The following SH3GL2 variants were observed in gnomAD, a reference collection of about 807,000 sequenced individuals.
SH3GL2 encodes endophilin-A1.
A neutral mutation model predicts 46.0 loss-of-function variants in SH3GL2; 24 were observed. That is an observed-to-expected ratio of 0.52 (90% CI 0.38 to 0.73). The LOEUF (loss-of-function observed/expected upper bound fraction) is 0.73, where lower values mean the gene tolerates loss of function less well. SH3GL2 is among the 30% of genes least tolerant of loss of function. SH3GL2 has a pLI of 0.00. For synonymous variants in SH3GL2, 196 were observed against 147.1 expected (o/e 1.33, Z -2.40); for missense variants, 413 against 424.2 (o/e 0.97, Z 0.23).
At chr9:17,628,899 C>G (rs1819355279) in intron 1 of SH3GL2, among the ~76,000 whole-genome samples, 3 of 152,048 alleles carry the variant, frequency 2.0e-5, no homozygotes, top group Non-Finnish European at 2.9e-5. Context: ...AACACTCACT[C>G]TAGCACAGCA....
intron 1 of SH3GL2, among the ~76,000 whole-genome samples, chr9:17,626,082 T>C (rs1267265205): frequency 6.6e-6 from 1 of 152,218 alleles, no homozygotes; most frequent in East Asian, 1.9e-4. Flanking sequence ...AGGTGTCCAC[T>C]TGGCTCTTTG....
chr9:17,737,121 A>T (rs1440609673), intron 1 of SH3GL2, among the ~76,000 whole-genome samples: 1 of 151,984 alleles, frequency 6.6e-6, no homozygotes, highest in Non-Finnish European at 1.5e-5. Context: ...AAAACACCAC[A>T]TGTTCTCACT....
chr9:17,782,482 G>A (rs1823837935), intron 3 of SH3GL2, among the ~76,000 whole-genome samples: 2 of 152,168 alleles, frequency 1.3e-5, no homozygotes, highest in South Asian at 4.1e-4. Flanking sequence ...AAGTGGAACT[G>A]TACTCTTCTG....
chr9:17,785,366 T>A (rs2131184284), intron 3 of SH3GL2, among the ~76,000 whole-genome samples: 1 of 152,336 alleles, frequency 6.6e-6, no homozygotes, highest in South Asian at 2.1e-4. Context: ...GTAATATCCC[T>A]GGGACAGGGT....
intron 1 of SH3GL2, among the ~76,000 whole-genome samples, chr9:17,730,469 G>A (rs1822146984): frequency 6.6e-6 from 1 of 152,070 alleles, no homozygotes; most frequent in Non-Finnish European, 1.5e-5. Context: ...TTGCCTGATT[G>A]TCTTGGCCAG....
At chr9:17,656,008 A>G (rs1820066409) in intron 1 of SH3GL2, among the ~76,000 whole-genome samples, 1 of 152,104 alleles carries the variant, frequency 6.6e-6, no homozygotes, top group African/African-American at 2.4e-5. Flanking sequence ...TAAATTCTCT[A>G]TTTTTTTAGT....
chr9:17,699,924 C>G (rs879789687), intron 1 of SH3GL2, among the ~76,000 whole-genome samples: 5 of 152,128 alleles, frequency 3.3e-5, no homozygotes, highest in Non-Finnish European at 7.4e-5. Context: ...GTTGCTGTAT[C>G]AAAAGGTTTA....
intron 1 of SH3GL2, among the ~76,000 whole-genome samples, chr9:17,632,636 A>G (rs1200859191): frequency 6.6e-6 from 1 of 152,162 alleles, no homozygotes; most frequent in African/African-American, 2.4e-5. Context: ...TAAATTTGGA[A>G]TTTCTGGGTC....
intron 1 of SH3GL2, among the ~76,000 whole-genome samples, chr9:17,579,605 C>T (rs1171248406): frequency 1.3e-5 from 2 of 152,174 alleles, no homozygotes; most frequent in African/African-American, 2.4e-5. Context: ...ACTGCTGCCG[C>T]GGCGCGCAGG....
chr9:17,726,536 T>C (rs1052133508), intron 1 of SH3GL2, among the ~76,000 whole-genome samples: 2 of 152,118 alleles, frequency 1.3e-5, no homozygotes, highest in Non-Finnish European at 2.9e-5. Flanking sequence ...ATAATCATAG[T>C]GAGCTCGAAT....
intron 3 of SH3GL2, among the ~76,000 whole-genome samples, chr9:17,774,246 G>A (rs1823576636): frequency 6.6e-6 from 1 of 152,088 alleles, no homozygotes; most frequent in African/African-American, 2.4e-5. Flanking sequence ...TCTGAAAATA[G>A]ATAATTTTAC....
intron 1 of SH3GL2, among the ~76,000 whole-genome samples, chr9:17,695,222 TC>T (rs1028256769): frequency 8.5e-5 from 13 of 152,098 alleles, no homozygotes; most frequent in Non-Finnish European, 1.5e-4. Context: ...AGATGAAATA[TC>T]TTATCAAGAT....
intron 1 of SH3GL2, among the ~76,000 whole-genome samples, chr9:17,676,089 G>C (rs188305978): frequency 1.2e-4 from 19 of 152,332 alleles, no homozygotes; most frequent in African/African-American, 4.6e-4. Context: ...GATTTGGCTA[G>C]AAGAAGGGAG....
intron 3 of SH3GL2, among the ~76,000 whole-genome samples, chr9:17,772,161 A>G (rs1294822265): frequency 1.3e-5 from 2 of 152,200 alleles, no homozygotes; most frequent in East Asian, 3.9e-4. Flanking sequence ...CATGTTGCCA[A>G]AATGAAATGC....
At chr9:17,599,523 C>G (rs1030051499) in intron 1 of SH3GL2, among the ~76,000 whole-genome samples, 12 of 151,996 alleles carry the variant, frequency 7.9e-5, no homozygotes, top group Non-Finnish European at 1.6e-4. Flanking sequence ...AAATTTATCA[C>G]AAGTAGGATA....
intron 3 of SH3GL2, among the ~76,000 whole-genome samples, chr9:17,780,505 G>A (rs1202055709): frequency 2.8e-5 from 4 of 144,320 alleles, no homozygotes; most frequent in African/African-American, 1.0e-4. Context: ...TATACTCTAA[G>A]TTTTAGGGTA....
chr9:17,778,998 T>C (rs963720392), intron 3 of SH3GL2, among the ~76,000 whole-genome samples: 1 of 152,048 alleles, frequency 6.6e-6, no homozygotes, highest in Non-Finnish European at 1.5e-5. Flanking sequence ...CAAGTAGGTA[T>C]TAGAATGCCT....
At chr9:17,708,397 G>A (rs1252495784) in intron 1 of SH3GL2, among the ~76,000 whole-genome samples, 1 of 151,920 alleles carries the variant, frequency 6.6e-6, no homozygotes, top group Non-Finnish European at 1.5e-5. Context: ...GATGTTTCTA[G>A]AGAAACTCTA....
intron 1 of SH3GL2, among the ~76,000 whole-genome samples, chr9:17,644,323 CT>C (rs1819755249): frequency 6.7e-6 from 1 of 150,042 alleles, no homozygotes; most frequent in Non-Finnish European, 1.5e-5. Flanking sequence ...GGTTTTTTAT[CT>C]TCTTCAGTTC....
Sources: gnomAD v4.1 joint callset for allele counts (sites outside exome capture counted in the v4.1 genomes callset) on GRCh38, gnomAD v4.1.1 for gene constraint, MANE v1.5 for transcripts, NCBI Gene and HGNC (gene_info 2026-07-23, HGNC 2026-07-21) for gene names.